Variants in GUCY1A2 observed in about 807,000 individuals in gnomAD.
GUCY1A2 encodes guanylate cyclase 1 soluble subunit alpha 2, also known as guanylate cyclase soluble subunit alpha-2.
In GUCY1A2, 27 loss-of-function variants were observed where a neutral mutation model predicts 63.5. That is an observed-to-expected ratio of 0.43 (90% confidence interval 0.31 to 0.59). GUCY1A2 has a LOEUF of 0.59. Ranked by LOEUF, GUCY1A2 falls within the 20% of genes least tolerant of loss-of-function variation. GUCY1A2 has a pLI of 0.11. For missense variants in GUCY1A2, 768 were observed against 913.3 expected, an observed-to-expected ratio of 0.84 and a Z score of 2.05; for synonymous variants, 364 against 343.5, an observed-to-expected ratio of 1.06 and a Z score of -0.66.
At chr11:106,800,500 AATGATAG>A (rs1448873613) in intron 5 of GUCY1A2, among the ~76,000 whole-genome samples, 1 of 152,168 alleles carries the variant, frequency 6.6e-6, no homozygotes, top group Non-Finnish European at 1.5e-5. Flanking sequence ...AATGTCCATC[AATGATAG>A]ACTGGATTAA....
chr11:106,746,707 A>T (rs1863794236), intron 6 of GUCY1A2: 1 of 884,926 alleles, frequency 1.1e-6, no homozygotes, highest in Non-Finnish European at 1.8e-6. Flanking sequence ...CAGTACTGTG[A>T]CATTTTTTAT....
At chr11:106,813,538 C>A (rs1257289824) in intron 4 of GUCY1A2, among the ~76,000 whole-genome samples, 1 of 152,026 alleles carries the variant, frequency 6.6e-6, no homozygotes, top group Non-Finnish European at 1.5e-5. Flanking sequence ...CTGCACATTA[C>A]ATGTTTTATA....
At position 106,818,376 on chromosome 11, in the gene GUCY1A2, T is replaced by C. The variant is rs1162969706; in HGVS notation, c.1207-7898A>G. ...TGATCAGTGATCCTTGATGTTACTATGGTAATTGTTTTGGGGCACCACAAA... is the reference window on the plus strand; with the variant it reads ...TGATCAGTGATCCTTGATGTTACTACGGTAATTGTTTTGGGGCACCACAAA... On this transcript the variant is annotated intron_variant, in intron 4 of 7. Transcript: ENST00000526355. 4.6e-5 allele frequency among the ~76,000 whole-genome samples: 7 copies of C among 152,278 alleles called. 1 individual carries two copies. The South Asian group carries it at 1.0e-3, about 23-fold the overall frequency.
intron 4 of GUCY1A2, among the ~76,000 whole-genome samples, chr11:106,856,916 A>G (rs1859444381): frequency 6.6e-6 from 1 of 152,212 alleles, no homozygotes; most frequent in African/African-American, 2.4e-5. Context: ...CGTACAGTTT[A>G]TACTAGTCCC....
chr11:107,008,772 A>C (rs1343981497), intron 1 of GUCY1A2, among the ~76,000 whole-genome samples: 3 of 152,250 alleles, frequency 2.0e-5, no homozygotes, highest in African/African-American at 7.2e-5. Context: ...AGTGACAGAA[A>C]TCACGATATA....
chr11:106,866,792 C>T (rs925868194), intron 4 of GUCY1A2, among the ~76,000 whole-genome samples: 3 of 152,028 alleles, frequency 2.0e-5, no homozygotes, highest in Non-Finnish European at 2.9e-5. Context: ...CATGGAATAA[C>T]ACAGAGAGAA....
Position 106,868,746 on chromosome 11 carries a change from G to T in GUCY1A2, c.1207-58268C>A, listed in dbSNP as rs148233016. 2.8e-3 allele frequency among the ~76,000 whole-genome samples: 423 copies of T among 152,164 alleles called. 10 individuals carry two copies. The East Asian group carries it at 0.042, about 15-fold the overall frequency. The stretch of plus-strand genomic sequence containing the variant: ...ACCAAGGACTTGCTTCACAGAATTG[G>T]AAAAAACTACTTTAAAGTTCATATG... On this transcript the variant is annotated intron_variant, in intron 4 of 7. Transcript: ENST00000526355.
At chr11:106,886,413 G>T (rs1050129619) in intron 4 of GUCY1A2, among the ~76,000 whole-genome samples, 1 of 152,056 alleles carries the variant, frequency 6.6e-6, no homozygotes. Context: ...ACTCTAGACT[G>T]CCTACATATT....
At chr11:107,016,826 G>A (rs1161580601) in intron 1 of GUCY1A2, among the ~76,000 whole-genome samples, 2 of 151,640 alleles carry the variant, frequency 1.3e-5, no homozygotes, top group East Asian at 1.9e-4. Flanking sequence ...AATAGCTAAT[G>A]TGAGAGAGAA....
intron 3 of GUCY1A2, among the ~76,000 whole-genome samples, chr11:106,962,592 G>T (rs11604450): frequency 0.37 from 55,575 of 150,214 alleles, 10,744 homozygotes; most frequent in Non-Finnish European, 0.43. Context: ...GTCTGTATAT[G>T]AGTGTGTGCA....
At chr11:106,843,240 A>G (rs1459067432) in intron 4 of GUCY1A2, among the ~76,000 whole-genome samples, 1 of 151,896 alleles carries the variant, frequency 6.6e-6, no homozygotes, top group Non-Finnish European at 1.5e-5. Flanking sequence ...TAAGAAAAAA[A>G]GTAATAAAAC....
At chr11:106,707,005 T>A (rs1402958311) in intron 7 of GUCY1A2, among the ~76,000 whole-genome samples, 2 of 152,086 alleles carry the variant, frequency 1.3e-5, no homozygotes, top group African/African-American at 4.8e-5. Context: ...AGATAAGTAA[T>A]GATTAGATAG....
At chr11:107,005,874 G>C (rs1028655773) in intron 1 of GUCY1A2, among the ~76,000 whole-genome samples, 7 of 152,124 alleles carry the variant, frequency 4.6e-5, no homozygotes, top group Admixed American at 1.3e-4. Flanking sequence ...AAAAGCATAA[G>C]AGCACTAAAC....
Position 106,810,254 on chromosome 11 carries a change from T to C in GUCY1A2, c.1431A>G (p.Glu477=), listed in dbSNP as rs374605418. Residue 477 remains glutamate, a synonymous_variant, in exon 5 of 8, where the codon GAA becomes GAG. Coordinates refer to ENST00000526355, the MANE Select transcript of GUCY1A2 (RefSeq NM_000855.3). ...CTTCTTCCAGGGCCTGGTGAGTTCT[T>C]TCTAAAGTTGCCTTTAATTTATCCA... ...KRMDKLKATL[E]RTHQALEEEK... 6.2e-7 allele frequency: 1 copy of C among 1,613,942 alleles called. No individual in the cohort carries two copies. Among genetic ancestry groups the C allele is most frequent in the African/African-American group, 1.3e-5 (1 of 75,046 alleles).
At chr11:106,931,062 T>C (rs1364679458) in intron 4 of GUCY1A2, among the ~76,000 whole-genome samples, 1 of 152,200 alleles carries the variant, frequency 6.6e-6, no homozygotes, top group Non-Finnish European at 1.5e-5. Flanking sequence ...TCCATAAATA[T>C]TTTTAAAGGA....
chr11:106,845,479 T>C (rs2135446839), intron 4 of GUCY1A2, among the ~76,000 whole-genome samples: 1 of 151,708 alleles, frequency 6.6e-6, no homozygotes, highest in South Asian at 2.1e-4. Flanking sequence ...TTTGCTTTCC[T>C]GAAAGATCAC....
At chr11:106,747,586 C>T (rs537161463) in intron 6 of GUCY1A2, among the ~76,000 whole-genome samples, 1 of 152,350 alleles carries the variant, frequency 6.6e-6, no homozygotes, top group South Asian at 2.1e-4. Flanking sequence ...TGGCAAAAGG[C>T]ACATGACATT....
chr11:106,935,116 C>T (rs1333662496), intron 4 of GUCY1A2, among the ~76,000 whole-genome samples: 1 of 152,090 alleles, frequency 6.6e-6, no homozygotes, highest in Non-Finnish European at 1.5e-5. Flanking sequence ...AAGTGGTCTT[C>T]TAGTCTTTAT....
At chr11:106,884,926 C>A (rs1489006970) in intron 4 of GUCY1A2, among the ~76,000 whole-genome samples, 1 of 152,116 alleles carries the variant, frequency 6.6e-6, no homozygotes, top group African/African-American at 2.4e-5. Context: ...AAAGAGGTAG[C>A]TCAATTCCCG....
Sources: allele counts gnomAD v4.1 joint callset (sites outside exome capture counted in the v4.1 genomes callset), GRCh38; gene constraint gnomAD v4.1.1; transcripts MANE v1.5; gene names NCBI Gene and HGNC (gene_info 2026-07-23, HGNC 2026-07-21).